PDE10A: variants seen among roughly 807,000 people sequenced by gnomAD.
PDE10A encodes the protein cAMP and cAMP-inhibited cGMP 3',5'-cyclic phosphodiesterase 10A.
Under a neutral mutation model 97.7 loss-of-function variants are expected in PDE10A, and 39 were observed. That is an observed-to-expected ratio of 0.40 (90% CI 0.31 to 0.52). PDE10A has a LOEUF of 0.52. Ranked by LOEUF, PDE10A falls within the 20% of genes least tolerant of loss-of-function variation. PDE10A has a pLI of 0.56. For synonymous variants in PDE10A, 371 were observed against 376.8 expected (o/e 0.98, Z 0.18); for missense variants, 731 against 1,047.8 (o/e 0.70, Z 4.17).
At chr6:165,968,950 C>T (rs941950614) in intron 1 of PDE10A, among the ~76,000 whole-genome samples, 1 of 152,160 alleles carries the variant, frequency 6.6e-6, no homozygotes, top group Non-Finnish European at 1.5e-5. Flanking sequence ...CAGGTTTGCA[C>T]TTAAGAATCA....
chr6:165,963,549 T>C (rs889005271), intron 1 of PDE10A, among the ~76,000 whole-genome samples: 2 of 152,232 alleles, frequency 1.3e-5, no homozygotes, highest in Non-Finnish European at 2.9e-5. Context: ...GGACAACATC[T>C]ACCCCAGTGG....
chr6:165,657,521 G>C (rs927292528), intron 1 of PDE10A, among the ~76,000 whole-genome samples: 1 of 152,184 alleles, frequency 6.6e-6, no homozygotes, highest in African/African-American at 2.4e-5. Context: ...AATGTGCACC[G>C]CACTATGTTT....
At chr6:165,382,349 A>T (rs1441494903) in intron 17 of PDE10A, among the ~76,000 whole-genome samples, 2 of 152,180 alleles carry the variant, frequency 1.3e-5, no homozygotes, top group Non-Finnish European at 2.9e-5. Context: ...TTGGAAAAAA[A>T]TGTCAACGAT....
At chr6:165,896,417 G>A (rs554753462) in intron 1 of PDE10A, among the ~76,000 whole-genome samples, 3 of 149,896 alleles carry the variant, frequency 2.0e-5, no homozygotes, top group Admixed American at 1.3e-4. Flanking sequence ...GCAGTGGCAC[G>A]ATCTTGGCTC....
intron 1 of PDE10A, among the ~76,000 whole-genome samples, chr6:165,788,087 A>G (rs1375107535): frequency 6.6e-6 from 1 of 152,206 alleles, no homozygotes; most frequent in Non-Finnish European, 1.5e-5. Flanking sequence ...TTGCTATATT[A>G]ACTGAAAATG....
intron 10 of PDE10A, among the ~76,000 whole-genome samples, chr6:165,425,494 T>C (rs1789054068): frequency 6.6e-6 from 1 of 152,042 alleles, no homozygotes; most frequent in African/African-American, 2.4e-5. Context: ...CATACCTGCA[T>C]GATAAAAACA....
At chr6:165,354,656 C>A (rs1782909268) in intron 18 of PDE10A, among the ~76,000 whole-genome samples, 1 of 152,090 alleles carries the variant, frequency 6.6e-6, no homozygotes, top group Non-Finnish European at 1.5e-5. Flanking sequence ...GATGGTGCCA[C>A]CTAGGGAACA....
chr6:165,722,052 A>G (rs1267263553), intron 1 of PDE10A, among the ~76,000 whole-genome samples: 12 of 152,242 alleles, frequency 7.9e-5, no homozygotes, highest in African/African-American at 2.9e-4. Context: ...ACAAATTTGT[A>G]TACTTATTCA....
intron 13 of PDE10A, among the ~76,000 whole-genome samples, chr6:165,403,626 CA>C (rs1189279027): frequency 1.3e-5 from 2 of 152,174 alleles, no homozygotes; most frequent in Non-Finnish European, 2.9e-5. Context: ...TATTAAACTA[CA>C]TATTTTCTAT....
At chr6:165,402,556 G>A (rs1048512165) in intron 13 of PDE10A, among the ~76,000 whole-genome samples, 23 of 152,190 alleles carry the variant, frequency 1.5e-4, no homozygotes, top group Non-Finnish European at 3.2e-4. Context: ...ATAACACTGC[G>A]TAAATAATCT....
chr6:165,347,360 A>G (rs976843875), intron 18 of PDE10A, among the ~76,000 whole-genome samples: 1 of 152,214 alleles, frequency 6.6e-6, no homozygotes, highest in Non-Finnish European at 1.5e-5. Flanking sequence ...AAGTATAAAC[A>G]TGATATAGTA....
rs548853044 is a variant in PDE10A, at chr6:165,396,433, C to T, written c.2103G>A (p.Glu701=). The T allele has an allele frequency of 7.3e-4, 1,175 of 1,612,238 alleles. 23 individuals carry two copies. In the South Asian group the frequency reaches 0.012, roughly 17 times the overall value. The change falls in exon 14 of 22, where the codon GAG becomes GAA. Residue 701 remains glutamate, a synonymous_variant. Transcript: ENST00000539869. ...ANMYHRIRHS[E]CIYRVTMEKL... Reference sequence around the variant, plus strand: ...TTTCCATCGTTACCCGGTAAATGCACTCTGAGTGGCGAATTCTATGATACA... The same window carrying T: ...TTTCCATCGTTACCCGGTAAATGCATTCTGAGTGGCGAATTCTATGATACA...
chr6:165,367,610 C>T (rs766261403), intron 18 of PDE10A, among the ~76,000 whole-genome samples: 72 of 151,198 alleles, frequency 4.8e-4, no homozygotes, highest in Admixed American at 8.5e-4. Flanking sequence ...GGTAAAAGAT[C>T]ACAGTATACT....
chr6:165,594,515 TG>T (rs556345579), intron 1 of PDE10A, among the ~76,000 whole-genome samples: 1 of 152,162 alleles, frequency 6.6e-6, no homozygotes, highest in East Asian at 1.9e-4. Context: ...AACAAAAAAG[TG>T]GGAGCAGAGT....
At chr6:165,498,303 A>C (rs899788070) in intron 2 of PDE10A, among the ~76,000 whole-genome samples, 1 of 151,156 alleles carries the variant, frequency 6.6e-6, no homozygotes, top group Admixed American at 6.6e-5. Flanking sequence ...CTGGCTATTC[A>C]AGTGGCTGAG....
chr6:165,691,336 T>C lies in PDE10A; in HGVS notation c.-614-147768A>G, dbSNP rs1417364845. The stretch of plus-strand genomic sequence containing the variant: ...TATGATACCATATTTTTACTGTACA[T>C]TTTCTGTATTTCCATATCCTAGTTG... On this transcript the variant is annotated intron_variant, in intron 1 of 19. Coordinates refer to the PDE10A transcript ENST00000366882. Among the ~76,000 whole-genome samples, 3 of 151,234 alleles carry C rather than the reference T, an allele frequency of 2.0e-5. No individual in the cohort carries two copies. The East Asian group carries it at 5.9e-4, about 30-fold the overall frequency.
intron 1 of PDE10A, among the ~76,000 whole-genome samples, chr6:165,588,476 A>T (rs993952309): frequency 6.6e-6 from 1 of 151,674 alleles, no homozygotes; most frequent in East Asian, 1.9e-4. Context: ...TTTTTAGTGG[A>T]GATGGGGTTT....
In PDE10A at chr6:165,462,254, G is replaced by A. The variant is rs148085396; in HGVS notation, c.1024-11892C>T. ...TTTCTAAAACAGCAGTTGCAAAAGGGGGAAATAGAGAATATGGAACCCCAC... is the reference window on the plus strand; with the variant it reads ...TTTCTAAAACAGCAGTTGCAAAAGGAGGAAATAGAGAATATGGAACCCCAC... On this transcript the variant is annotated intron_variant, in intron 3 of 21. Coordinates refer to ENST00000539869, the MANE Select transcript of PDE10A (RefSeq NM_001385079.1). Among the ~76,000 whole-genome samples, 500 of 152,268 alleles carry A rather than the reference G, an allele frequency of 3.3e-3. 7 individuals are homozygous for A. Among genetic ancestry groups the A allele is most frequent in the African/African-American group, 0.012 (480 of 41,574 alleles).
intron 1 of PDE10A, among the ~76,000 whole-genome samples, chr6:165,605,392 A>G (rs12190475): frequency 0.12 from 18,557 of 152,158 alleles, 1,161 homozygotes; most frequent in Non-Finnish European, 0.14. Context: ...CACTTCTCCC[A>G]CCATTTCTCC....
Sources: gnomAD v4.1 joint callset for allele counts (sites outside exome capture counted in the v4.1 genomes callset) on GRCh38, gnomAD v4.1.1 for gene constraint, MANE v1.5 for transcripts, NCBI Gene and HGNC (gene_info 2026-07-23, HGNC 2026-07-21) for gene names.